Variants in BRCC3 observed in about 807,000 individuals in gnomAD.
BRCC3 encodes the protein lys-63-specific deubiquitinase BRCC36.
BRCC3 carries 15 observed loss-of-function variants against 28.0 expected under a neutral mutation model. The observed-to-expected ratio is 0.54, with a 90% confidence interval of 0.36 to 0.82. The LOEUF (loss-of-function observed/expected upper bound fraction) is 0.82. BRCC3 is among the 40% of genes least tolerant of loss of function. The pLI is 0.01. For synonymous variants in BRCC3, 66 were observed against 80.3 expected, an observed-to-expected ratio of 0.82 and a Z score of 0.95; for missense variants, 109 against 225.9, an observed-to-expected ratio of 0.48 and a Z score of 3.32.
intron 7 of BRCC3, among the ~76,000 whole-genome samples, chrX:155,099,622 A>T (rs2074234922): frequency 8.9e-6 from 1 of 112,126 alleles, no homozygotes; most frequent in Admixed American, 9.4e-5. Flanking sequence ...GCGCATTTGG[A>T]ATAGGCAGCC....
intron 3 of BRCC3, among the ~76,000 whole-genome samples, chrX:155,075,309 C>G (rs1222216558): frequency 9.2e-6 from 1 of 108,914 alleles, no homozygotes; most frequent in African/African-American, 3.5e-5. Flanking sequence ...CCTTCTTGTT[C>G]TTCCCCACAC....
intron 7 of BRCC3, among the ~76,000 whole-genome samples, chrX:155,093,256 C>A (rs782345792): frequency 5.4e-5 from 6 of 110,928 alleles, no homozygotes; most frequent in Non-Finnish European, 9.5e-5. Flanking sequence ...ATAAAACAAT[C>A]CACAACCTAC....
At chrX:155,111,353 A>G (rs1236385698) in intron 7 of BRCC3, among the ~76,000 whole-genome samples, 2 of 111,844 alleles carry the variant, frequency 1.8e-5, no homozygotes, top group African/African-American at 6.5e-5. Flanking sequence ...AAGACTGGGA[A>G]AAAAGGGACA....
chrX:155,072,285 CGT>C, intron 1 of BRCC3, 40 bp from the exon 2 acceptor site: 1 of 1,149,169 alleles, frequency 8.7e-7, no homozygotes, highest in Non-Finnish European at 1.2e-6. Flanking sequence ...GTCAAACAAA[CGT>C]AATGTGATCA....
rs950364218 is a variant in BRCC3 at position 155,121,290 on chromosome X, G to C, written c.*86G>C. ...AATTTCAAAGAAGAAAAACTTGGAG[G>C]ACTCATTTTACCTGACTTCAAGACT... is the stretch of plus-strand genomic sequence containing the variant. On this transcript the variant is annotated 3_prime_UTR_variant, in exon 11 of 11. Transcript: ENST00000330045. The C allele has an allele frequency of 4.5e-5, 5 of 111,903 alleles. No individual in the cohort carries two copies. The highest frequency in any genetic ancestry group is 7.5e-5 in the Non-Finnish European group (4 of 53,123). The allele number at this position is 111,903 out of a possible 1,213,427, so 9.2% of individuals were successfully genotyped here.
intron 3 of BRCC3, among the ~76,000 whole-genome samples, chrX:155,076,690 T>C (rs1289156942): frequency 1.8e-5 from 2 of 111,397 alleles, no homozygotes; most frequent in Non-Finnish European, 3.8e-5. Context: ...CAGGTGTCTC[T>C]CCTGATACGT....
chrX:155,073,013 C>T (rs1287876150), intron 2 of BRCC3, among the ~76,000 whole-genome samples: 1 of 112,178 alleles, frequency 8.9e-6, no homozygotes, highest in Non-Finnish European at 1.9e-5. Flanking sequence ...TCCTGATGGA[C>T]CTCAGTGATC....
chrX:155,093,616 A>G (rs1348911927), intron 7 of BRCC3, among the ~76,000 whole-genome samples: 54 of 105,108 alleles, frequency 5.1e-4, no homozygotes, highest in Non-Finnish European at 3.0e-4. Context: ...AGTCCATGAG[A>G]CAGGATTCTA....
At position 155,089,365 on chromosome X, in the gene BRCC3, ATGTGTGTG is replaced by A. The variant is rs371817972; in HGVS notation, c.492+32_492+39del. On this transcript the variant is annotated intron_variant, in intron 6 of 10. Transcript: ENST00000330045. ...AAGAACACAAAGGTATTGTGTGTGC[ATGTGTGTG>A]TGTGTGTGTGTGTGTGTAGGGTCTG... 17 of 925,578 alleles carry A rather than the reference ATGTGTGTG, an allele frequency of 1.8e-5. No homozygotes were observed. In the African/African-American group the frequency reaches 2.6e-4, roughly 14 times the overall value. 76.3% of individuals were successfully genotyped at this position (925,578 alleles called of 1,213,427 possible).
In BRCC3 at chrX:155,122,133, A is replaced by T. The variant is rs2074391816; in HGVS notation, c.*929A>T. On this transcript the variant is annotated 3_prime_UTR_variant, in exon 11 of 11. Transcript: ENST00000330045. ...CAGAGTGAGGCCTCATCTCAAAAAA[A>T]AAAAAAGGCCACAAAACTCAACAAT... The T allele has an allele frequency of 9.1e-6, 1 of 110,043 alleles. No homozygotes were observed. Among genetic ancestry groups the T allele is most frequent in the Non-Finnish European group, 1.9e-5 (1 of 52,764 alleles). The allele number at this position is 110,043 out of a possible 1,213,427, so 9.1% of individuals were successfully genotyped here. A position where few individuals can be genotyped will look rare whatever the true frequency, so the allele number is the denominator to read the frequency against.
chrX:155,109,195 C>T (rs1490205940), intron 7 of BRCC3, among the ~76,000 whole-genome samples: 2 of 112,036 alleles, frequency 1.8e-5, no homozygotes, highest in African/African-American at 6.5e-5. Context: ...GTGTCAGTAA[C>T]ACACTTAGTT....
intron 3 of BRCC3, among the ~76,000 whole-genome samples, chrX:155,076,346 A>G (rs782634117): frequency 1.8e-5 from 2 of 111,160 alleles, no homozygotes; most frequent in Non-Finnish European, 3.8e-5. Flanking sequence ...CTGAGATTGC[A>G]CTACTGCACT....
intron 7 of BRCC3, among the ~76,000 whole-genome samples, chrX:155,093,565 G>A (rs2074188471): frequency 9.6e-6 from 1 of 104,047 alleles, no homozygotes; most frequent in African/African-American, 3.5e-5. Flanking sequence ...CTGTCTCATG[G>A]ACTTGAAGTC....
chrX:155,116,782 AT>A, intron 9 of BRCC3, 28 bp downstream of exon 9: 2 of 1,082,878 alleles, frequency 1.8e-6, no homozygotes, highest in Non-Finnish European at 2.5e-6. Flanking sequence ...AGTACTCAGC[AT>A]TTTTTCTGAC....
At chrX:155,076,196 G>C (rs1262659583) in intron 3 of BRCC3, among the ~76,000 whole-genome samples, 1 of 111,140 alleles carries the variant, frequency 9.0e-6, no homozygotes, top group Admixed American at 9.5e-5. Flanking sequence ...CTGAAGTCAG[G>C]AGTTTGAGAC....
At chrX:155,072,682 C>A (rs191902544) in intron 2 of BRCC3, among the ~76,000 whole-genome samples, 1 of 111,194 alleles carries the variant, frequency 9.0e-6, no homozygotes, top group East Asian at 2.8e-4. Flanking sequence ...ATACTTCAGA[C>A]TCCCGAATAG....
intron 7 of BRCC3, among the ~76,000 whole-genome samples, chrX:155,102,369 AT>A (rs1427119864): frequency 1.8e-5 from 2 of 112,150 alleles, no homozygotes; most frequent in Non-Finnish European, 3.8e-5. Context: ...GATTGTATTA[AT>A]TTCAATTTCC....
At chrX:155,119,858 A>T in intron 9 of BRCC3, 141 bp from the exon 10 acceptor site, 1 of 480,116 alleles carries the variant, frequency 2.1e-6, no homozygotes, top group Non-Finnish European at 3.4e-6. Flanking sequence ...TACCAGTCCT[A>T]CTTATTACAC....
intron 6 of BRCC3, among the ~76,000 whole-genome samples, chrX:155,090,328 T>C (rs1260146382): frequency 8.9e-6 from 1 of 112,627 alleles, no homozygotes; most frequent in Admixed American, 9.4e-5. Context: ...AATAGTGTCT[T>C]ATTTAGTGCA....
Sources: allele counts gnomAD v4.1 joint callset (sites outside exome capture counted in the v4.1 genomes callset), GRCh38; gene constraint gnomAD v4.1.1; transcripts MANE v1.5; gene names NCBI Gene and HGNC (gene_info 2026-07-23, HGNC 2026-07-21).